Variants in DOCK7 observed in about 807,000 individuals in gnomAD.
DOCK7 encodes dedicator of cytokinesis protein 7.
DOCK7 carries 138 observed loss-of-function variants against 271.0 expected under a neutral mutation model. That is an observed-to-expected ratio of 0.51 (90% CI 0.44 to 0.59). DOCK7 has a LOEUF of 0.59. Among genes scored for constraint, DOCK7 ranks in the 20% least tolerant of loss-of-function variants. The pLI is 0.00. For synonymous variants in DOCK7, 823 were observed against 876.1 expected (o/e 0.94, Z 1.07); for missense variants, 2,066 against 2,592.4 (o/e 0.80, Z 4.41).
At chr1:62,655,565 C>T (rs778502818) in intron 2 of DOCK7, among the ~76,000 whole-genome samples, 2 of 151,996 alleles carry the variant, frequency 1.3e-5, no homozygotes, top group Non-Finnish European at 2.9e-5. Flanking sequence ...GCTGGGATTA[C>T]AGGCGTGAGC....
chr1:62,559,255 T>C (rs1247211673), intron 19 of DOCK7, 35 bp from the exon 20 acceptor site: 3 of 1,520,092 alleles, frequency 2.0e-6, no homozygotes, highest in Admixed American at 3.6e-5. Flanking sequence ...ACTAAGCACT[T>C]ATAACTTTAT....
chr1:62,555,915 G>A lies in DOCK7; in HGVS notation c.2506C>T (p.His836Tyr). The A allele has an allele frequency of 1.2e-6, 2 of 1,613,936 alleles. No individual in the cohort carries two copies. Among genetic ancestry groups the A allele is most frequent in the Non-Finnish European group, 1.7e-6 (2 of 1,179,926 alleles). ...AGGCTGTTTCTGCCATGCTGGTCAT[G>A]ATTTCCTTCCAAGTTTTTGTGAAGT... ...NRLHKNLEGN[H>Y]DQHGRNSLLA... Residue 836 changes from histidine to tyrosine, a missense_variant, in exon 21 of 50, where the codon CAT becomes TAT. Transcript: ENST00000635253.
At position 62,513,483 on chromosome 1, in the gene DOCK7, G is replaced by A. The variant is rs1644562145; in HGVS notation, c.4243C>T (p.Arg1415Ter). 6 of 1,613,572 alleles carry A rather than the reference G, an allele frequency of 3.7e-6. No individual in the cohort carries two copies. Among genetic ancestry groups the A allele is most frequent in the Non-Finnish European group, 5.1e-6 (6 of 1,179,872 alleles). The change falls in exon 33 of 50, where the codon CGA becomes TGA. Residue 1415 changes from arginine to a stop codon, truncating the protein, a stop_gained. Coordinates refer to ENST00000635253, the MANE Select transcript of DOCK7 (RefSeq NM_001367561.1). LOFTEE classifies it high-confidence loss of function. The part of the protein sequence containing the change: ...GARQEMVRRS[R>*]GQLGTYTIAS... The stretch of plus-strand genomic sequence containing the variant: ...ATTGTGTACGTACCGAGCTGTCCTC[G>A]GCTTCGCCGTACCATTTCTTGCCTG...
chr1:62,653,573 A>T, intron 4 of DOCK7, 152 bp downstream of exon 4: 1 of 582,856 alleles, frequency 1.7e-6, no homozygotes. Context: ...AATCCTAAGG[A>T]GTAAATATCT....
chr1:62,461,499 A>AGT (rs1366026651), intron 48 of DOCK7, among the ~76,000 whole-genome samples: 1 of 149,712 alleles, frequency 6.7e-6, no homozygotes, highest in Non-Finnish European at 1.5e-5. Flanking sequence ...TGGGCAACAT[A>AGT]GTGAGACTCT....
intron 19 of DOCK7, 93 bp downstream of exon 19, chr1:62,561,524 T>G: frequency 1.5e-6 from 1 of 645,160 alleles, no homozygotes. Flanking sequence ...AATGACAGAT[T>G]TATGACAGGT....
At chr1:62,601,047 T>A (rs375486098) in intron 14 of DOCK7, 91 of 1,245,378 alleles carry the variant, frequency 7.3e-5, no homozygotes, top group South Asian at 6.6e-4. Flanking sequence ...ATATTCAGTA[T>A]CATTTTAAAA....
intron 4 of DOCK7, 86 bp downstream of exon 4, chr1:62,653,639 G>A (rs1657639773): frequency 4.8e-6 from 4 of 828,678 alleles, no homozygotes; most frequent in Non-Finnish European, 7.9e-6. Context: ...TAAATTTTCA[G>A]GTCTCATAAA....
chr1:62,641,001 A>G (rs1370302943), intron 7 of DOCK7: 2 of 165,130 alleles, frequency 1.2e-5, no homozygotes, highest in Non-Finnish European at 2.6e-5. Context: ...AGCTTCCTAC[A>G]TCCCAGGCTG....
chr1:62,457,479 G>A, intron 49 of DOCK7, 59 bp downstream of exon 49: 1 of 1,524,298 alleles, frequency 6.6e-7, no homozygotes, highest in Non-Finnish European at 9.0e-7. Flanking sequence ...ACTTCTACTA[G>A]TTTAACATGT....
intron 49 of DOCK7, 125 bp downstream of exon 49, chr1:62,457,413 C>G: frequency 1.0e-6 from 1 of 962,294 alleles, no homozygotes; most frequent in South Asian, 1.8e-5. Context: ...AATCTGAAAC[C>G]CCAAACACTT....
chr1:62,574,756 TCTCA>T (rs1342720156), intron 18 of DOCK7, among the ~76,000 whole-genome samples: 2 of 151,846 alleles, frequency 1.3e-5, no homozygotes, highest in African/African-American at 2.4e-5. Flanking sequence ...TGAGACAGAG[TCTCA>T]CTCTGCCGCC....
At chr1:62,521,269 A>C (rs1198298781) in intron 31 of DOCK7, among the ~76,000 whole-genome samples, 1 of 152,184 alleles carries the variant, frequency 6.6e-6, no homozygotes, top group Non-Finnish European at 1.5e-5. Context: ...AAGGGAAAAA[A>C]ATGTTACATA....
At position 62,489,061 on chromosome 1, in the gene DOCK7, C is replaced by A; in HGVS notation, c.5366G>T (p.Gly1789Val). 6.4e-7 allele frequency: 1 copy of A among 1,559,102 alleles called. No homozygotes were observed. The highest frequency in any genetic ancestry group is 8.7e-7 in the Non-Finnish European group (1 of 1,153,484). ...EQAAASFSMA[G>V]MYEAVNEVYK... ...AACTTCATTAACTGCTTCATACATG[C>A]CAGCCTATAAGAAAAAATTTTGTTA... Residue 1789 changes from glycine (G) to valine (V), a missense_variant, in exon 42 of 50, where the codon GGC becomes GTC. By Grantham distance (109) the Gly-to-Val change is moderately radical (BLOSUM62 -3). Transcript: ENST00000635253.
rs1259921139 is a variant in DOCK7, at chr1:62,584,565, A to G, written c.1801-1311T>C. On this transcript the variant is annotated intron_variant, in intron 15 of 49. Transcript: ENST00000635253. The stretch of plus-strand genomic sequence containing the variant: ...CTCTGAGAAGCTATCACTTTTCACA[A>G]AATAACTTGTTTATTTTCATAATAT... The G allele has an allele frequency of 1.3e-5, 15 of 1,193,430 alleles. No homozygotes were observed. In the African/African-American group the frequency reaches 1.9e-4, roughly 15 times the overall value. The allele number at this position is 1,193,430 out of a possible 1,614,324, so 73.9% of individuals were successfully genotyped here. A position where few individuals can be genotyped will look rare whatever the true frequency, so the allele number is the denominator to read the frequency against.
At chr1:62,674,309 A>AC (rs35650428) in intron 1 of DOCK7, among the ~76,000 whole-genome samples, 10,939 of 151,024 alleles carry the variant, frequency 0.072, 456 homozygotes, top group Middle Eastern at 0.11. Context: ...AAATAAATAG[A>AC]CCCCCCCCAC....
intron 31 of DOCK7, 82 bp downstream of exon 31, chr1:62,528,069 A>G: frequency 7.2e-7 from 1 of 1,382,200 alleles, no homozygotes. Flanking sequence ...AGCTGATACA[A>G]TCATCTCATA....
chr1:62,568,605 TAAAAAAAAAAAAA>T (rs549578355), intron 18 of DOCK7, among the ~76,000 whole-genome samples: 1 of 46,254 alleles, frequency 2.2e-5, no homozygotes, highest in South Asian at 6.8e-4. Context: ...GTGCCCTGCC[TAAAAAAAAAAAAA>T]AAAAAAAAAA....
chr1:62,537,879 C>A lies in DOCK7; in HGVS notation c.3471+12G>T, dbSNP rs757655530. The A allele has an allele frequency of 1.9e-6, 3 of 1,608,344 alleles. No individual in the cohort carries two copies. In the South Asian group the frequency reaches 3.3e-5, roughly 18 times the overall value. ...GACTTTAAATATATGTATATTCACA[C>A]AATTTGCATACCTGAGATGTTGCAG... On this transcript the variant is annotated intron_variant, in intron 28 of 49. Coordinates refer to ENST00000635253, the MANE Select transcript of DOCK7 (RefSeq NM_001367561.1).
Sources: allele counts gnomAD v4.1 joint callset (sites outside exome capture counted in the v4.1 genomes callset), GRCh38; gene constraint gnomAD v4.1.1; transcripts MANE v1.5; gene names NCBI Gene and HGNC (gene_info 2026-07-23, HGNC 2026-07-21).